Variants in SLMAP observed in about 807,000 individuals in gnomAD.
The protein encoded by SLMAP is sarcolemma associated protein.
Under a neutral mutation model 128.8 loss-of-function variants are expected in SLMAP, and 44 were observed. That is an observed-to-expected ratio of 0.34 (90% CI 0.27 to 0.44). SLMAP has a LOEUF of 0.44. SLMAP is among the 20% of genes least tolerant of loss of function. SLMAP has a pLI of 1.00. For missense variants in SLMAP, 787 were observed against 985.3 expected (o/e 0.80, Z 2.69); for synonymous variants, 327 against 348.8 (o/e 0.94, Z 0.70).
At chr3:57,913,321 C>A in intron 21 of SLMAP, 46 bp downstream of exon 21, 1 of 789,540 alleles carries the variant, frequency 1.3e-6, no homozygotes, top group Non-Finnish European at 2.0e-6. Context: ...ATTTCTTTAT[C>A]TTAAATTTTC....
At chr3:57,869,653 T>TATATATATA (rs1560338113) in intron 13 of SLMAP, among the ~76,000 whole-genome samples, 1 of 135,188 alleles carries the variant, frequency 7.4e-6, no homozygotes, top group Non-Finnish European at 1.6e-5. Flanking sequence ...TATATATATA[T>TATATATATA]ATATATAATA....
intron 2 of SLMAP, among the ~76,000 whole-genome samples, chr3:57,792,910 G>A (rs1420327010): frequency 6.6e-6 from 1 of 152,036 alleles, no homozygotes; most frequent in South Asian, 2.1e-4. Flanking sequence ...GGCTAAGCGG[G>A]GTGGATTGCT....
chr3:57,840,257 A>G (rs1295032000), intron 3 of SLMAP, among the ~76,000 whole-genome samples: 1 of 152,274 alleles, frequency 6.6e-6, no homozygotes, highest in Non-Finnish European at 1.5e-5. Flanking sequence ...CCCGGCCAAC[A>G]TTAGCTCTAT....
At chr3:57,793,828 G>A (rs1200957867) in intron 2 of SLMAP, among the ~76,000 whole-genome samples, 1 of 151,664 alleles carries the variant, frequency 6.6e-6, no homozygotes, top group Non-Finnish European at 1.5e-5. Context: ...GGGAGGTTGA[G>A]GTGGGAGGAT....
Position 57,803,275 on chromosome 3 carries a change from G to C in SLMAP, c.199-28108G>C, listed in dbSNP as rs543269939. 3.9e-5 allele frequency among the ~76,000 whole-genome samples: 6 copies of C among 152,248 alleles called. No individual in the cohort carries two copies. The South Asian group carries it at 1.2e-3, about 32-fold the overall frequency. On this transcript the variant is annotated intron_variant, in intron 2 of 24. Transcript: ENST00000671191. The stretch of plus-strand genomic sequence containing the variant: ...AAAAAAGGCCATCAAGATTATGATA[G>C]ATAAATAGGCCAAGGAGTTAAGTAG...
At chr3:57,890,973 C>T (rs1235466462) in intron 15 of SLMAP, 1 of 152,034 alleles carries the variant, frequency 6.6e-6, no homozygotes, top group Non-Finnish European at 1.5e-5. Context: ...GAATTTTGTG[C>T]ACGGCAGATG....
At position 57,779,234 on chromosome 3, in the gene SLMAP, G is replaced by A. The variant is rs574505120; in HGVS notation, c.198+21385G>A. ...ATAAAATTTGAAAAATCAGTTGGGCGCAGTGGCTCACACTTGTATTCTCAG... is the reference window on the plus strand; with the variant it reads ...ATAAAATTTGAAAAATCAGTTGGGCACAGTGGCTCACACTTGTATTCTCAG... On this transcript the variant is annotated intron_variant, in intron 2 of 24. Transcript: ENST00000671191. Among the ~76,000 whole-genome samples the A allele has an allele frequency of 4.6e-5, 7 of 152,186 alleles. No homozygotes were observed. In the South Asian group the frequency reaches 8.3e-4, roughly 18 times the overall value.
At position 57,835,901 on chromosome 3, in the gene SLMAP, A is replaced by G. The variant is rs1479709591; in HGVS notation, c.346+4371A>G. Among the ~76,000 whole-genome samples the G allele has an allele frequency of 2.6e-5, 4 of 152,272 alleles. No individual in the cohort carries two copies. The East Asian group carries it at 7.7e-4, about 29-fold the overall frequency. ...AAAACAATACTATATAGTGCTTTTG[A>G]ATACACTTATAATAAAGTACATTTG... On this transcript the variant is annotated intron_variant, in intron 3 of 24. Transcript: ENST00000671191.
At chr3:57,865,315 A>T in intron 13 of SLMAP, 23 bp downstream of exon 13, 3 of 1,017,106 alleles carry the variant, frequency 2.9e-6, no homozygotes, top group Non-Finnish European at 4.4e-6. Flanking sequence ...ACTTAAATAT[A>T]TATATACTTT....
In SLMAP at chr3:57,772,078, T is replaced by TA. The variant is rs1189214456; in HGVS notation, c.198+14232dup. On this transcript the variant is annotated intron_variant, in intron 2 of 24. Transcript: ENST00000671191. ...GGAGTTTCTCGTTTAATTGGAAAGC[T>TA]AAAGCTAACTCCCATAAAGAATTAA... Among the ~76,000 whole-genome samples the TA allele has an allele frequency of 2.0e-5, 3 of 152,326 alleles. No homozygotes were observed. In the East Asian group the frequency reaches 5.8e-4, roughly 29 times the overall value.
In SLMAP at chr3:57,929,791, T is replaced by A. The variant is rs1268142938; in HGVS notation, c.*2502T>A. The stretch of plus-strand genomic sequence containing the variant: ...TGCCTTGTGCAAATCACATTTTCTC[T>A]GAGTCTCCATTTTCTCATTTATAAC... On this transcript the variant is annotated 3_prime_UTR_variant, in exon 25 of 25. Coordinates refer to ENST00000671191, the MANE Select transcript of SLMAP (RefSeq NM_001377540.1). 6.6e-6 allele frequency among the ~76,000 whole-genome samples: 1 copy of A among 152,250 alleles called. No individual in the cohort carries two copies. Among genetic ancestry groups the A allele is most frequent in the Non-Finnish European group, 1.5e-5 (1 of 68,040 alleles).
At chr3:57,857,160 A>T (rs1307433156) in intron 6 of SLMAP, among the ~76,000 whole-genome samples, 1 of 152,218 alleles carries the variant, frequency 6.6e-6, no homozygotes, top group Non-Finnish European at 1.5e-5. Flanking sequence ...AACAAAAAAC[A>T]GGTGACTTGT....
chr3:57,846,663 T>G (rs2094270900), intron 4 of SLMAP, among the ~76,000 whole-genome samples: 1 of 151,784 alleles, frequency 6.6e-6, no homozygotes, highest in African/African-American at 2.4e-5. Context: ...TTCAAGCGAT[T>G]CTTATGCTTC....
At chr3:57,770,391 TA>T (rs1032132367) in intron 2 of SLMAP, among the ~76,000 whole-genome samples, 2 of 152,038 alleles carry the variant, frequency 1.3e-5, no homozygotes, top group African/African-American at 4.8e-5. Flanking sequence ...GCTAGCTGGA[TA>T]AAAAAGAGCA....
At chr3:57,810,884 A>T (rs906877084) in intron 2 of SLMAP, among the ~76,000 whole-genome samples, 1 of 152,150 alleles carries the variant, frequency 6.6e-6, no homozygotes, top group South Asian at 2.1e-4. Flanking sequence ...CATGACCTTG[A>T]AACTTTGAAC....
At chr3:57,885,409 G>A in intron 14 of SLMAP, among the ~76,000 whole-genome samples, 1 of 125,794 alleles carries the variant, frequency 7.9e-6, no homozygotes, top group South Asian at 2.8e-4. Flanking sequence ...TTGTTTTGTT[G>A]TTGTTGTTTT....
At chr3:57,809,712 G>A (rs2090583935) in intron 2 of SLMAP, among the ~76,000 whole-genome samples, 1 of 152,124 alleles carries the variant, frequency 6.6e-6, no homozygotes, top group Admixed American at 6.5e-5. Context: ...CAGACCAACT[G>A]GCTCACATTT....
intron 2 of SLMAP, 76 bp downstream of exon 2, chr3:57,757,925 T>A: frequency 7.9e-7 from 1 of 1,273,794 alleles, no homozygotes; most frequent in Admixed American, 1.9e-5. Context: ...AGAGGACTAA[T>A]GTATGCAGGA....
intron 14 of SLMAP, among the ~76,000 whole-genome samples, chr3:57,887,646 T>C (rs1158043483): frequency 6.6e-6 from 1 of 152,246 alleles, no homozygotes; most frequent in African/African-American, 2.4e-5. Context: ...TACTATCTTA[T>C]GATGTTGCTG....
Sources: gnomAD v4.1 joint callset for allele counts (sites outside exome capture counted in the v4.1 genomes callset) on GRCh38, gnomAD v4.1.1 for gene constraint, MANE v1.5 for transcripts, NCBI Gene and HGNC (gene_info 2026-07-23, HGNC 2026-07-21) for gene names.